CPEB3: variants seen among roughly 807,000 people sequenced by gnomAD.
CPEB3 encodes cytoplasmic polyadenylation element binding protein 3.
CPEB3 carries 20 observed loss-of-function variants against 67.2 expected under a neutral mutation model. The observed-to-expected ratio is 0.30, with a 90% CI of 0.21 to 0.43. CPEB3 has a LOEUF of 0.43. Among genes scored for constraint, CPEB3 ranks in the 20% least tolerant of loss-of-function variants. The pLI, the probability that CPEB3 is intolerant of heterozygous loss-of-function variation, is 1.00. For synonymous variants in CPEB3, 376 were observed against 393.1 expected (o/e 0.96, Z 0.51); for missense variants, 746 against 968.6 (o/e 0.77, Z 3.05).
intron 2 of CPEB3, among the ~76,000 whole-genome samples, chr10:92,206,028 T>G (rs1343601612): frequency 6.6e-6 from 1 of 152,010 alleles, no homozygotes; most frequent in East Asian, 1.9e-4. Context: ...ATTCTAATAA[T>G]GATACTTTAG....
intron 2 of CPEB3, among the ~76,000 whole-genome samples, chr10:92,236,642 G>A (rs559786571): frequency 8.5e-5 from 13 of 152,058 alleles, no homozygotes; most frequent in Non-Finnish European, 1.6e-4. Context: ...CCAGCTACTC[G>A]GGAGGCTGAG....
intron 2 of CPEB3, among the ~76,000 whole-genome samples, chr10:92,205,425 AAT>A (rs1849734681): frequency 6.6e-6 from 1 of 151,702 alleles, no homozygotes; most frequent in Non-Finnish European, 1.5e-5. Context: ...TAGATATTAC[AAT>A]ATCTTTTTTT....
At chr10:92,055,665 G>A (rs996742335) in intron 9 of CPEB3, among the ~76,000 whole-genome samples, 6 of 151,984 alleles carry the variant, frequency 3.9e-5, no homozygotes, top group Admixed American at 6.6e-5. Context: ...CATCATTTTC[G>A]TTTTGCCTAG....
chr10:92,206,640 C>A (rs1452673001), intron 2 of CPEB3, among the ~76,000 whole-genome samples: 1 of 152,042 alleles, frequency 6.6e-6, no homozygotes, highest in African/African-American at 2.4e-5. Flanking sequence ...ATGTTCATAT[C>A]TTATTTTGTA....
rs12252682 is a variant in CPEB3, at chr10:92,050,985, G to C, written c.*1227C>G. On this transcript the variant is annotated 3_prime_UTR_variant, in exon 10 of 10. Coordinates refer to ENST00000265997, the MANE Select transcript of CPEB3 (RefSeq NM_014912.5). ...TCTGACAGAGGCTTTAAACAGTTAA[G>C]TTTGATCACAGTTAGACATAATCAC... The C allele has an allele frequency of 0.056, 8,489 of 152,648 alleles. 672 individuals carry two copies. The highest frequency in any genetic ancestry group is 0.18 in the African/African-American group (7,404 of 41,502). 9.5% of individuals were successfully genotyped at this position (152,648 alleles called of 1,614,324 possible).
chr10:92,086,127 G>A (rs980015818), intron 8 of CPEB3, among the ~76,000 whole-genome samples: 2 of 152,022 alleles, frequency 1.3e-5, no homozygotes, highest in Non-Finnish European at 2.9e-5. Flanking sequence ...TAACACATTC[G>A]TCTCTACAGA....
chr10:92,248,930 T>TA (rs36118120), intron 1 of CPEB3, among the ~76,000 whole-genome samples: 3 of 152,164 alleles, frequency 2.0e-5, no homozygotes, highest in Admixed American at 2.0e-4. Flanking sequence ...TCAAACCACA[T>TA]ACACAATGAT....
chr10:92,111,638 A>C (rs754404142), intron 6 of CPEB3, among the ~76,000 whole-genome samples: 2 of 152,244 alleles, frequency 1.3e-5, no homozygotes, highest in Non-Finnish European at 2.9e-5. Context: ...AAATCTATCA[A>C]GACAAAAAAT....
intron 6 of CPEB3, among the ~76,000 whole-genome samples, chr10:92,116,713 C>T (rs954488043): frequency 2.0e-5 from 3 of 152,176 alleles, no homozygotes; most frequent in African/African-American, 7.2e-5. Context: ...CTATGAGAGG[C>T]CCTCAGCTCC....
rs147397941 is a variant in CPEB3 at position 92,199,202 on chromosome 10, A to G, written c.1006-6566T>C. Among the ~76,000 whole-genome samples, 322 of 150,340 alleles carry G rather than the reference A, an allele frequency of 2.1e-3. 1 individual carries two copies. The highest frequency in any genetic ancestry group is 7.5e-3 in the African/African-American group (304 of 40,718). Reference sequence around the variant, plus strand: ...AGGTCGGGAGTTCGAGACCAGCCTGACCAACATGGAGAAACCTCATCTCTA... The same window carrying G: ...AGGTCGGGAGTTCGAGACCAGCCTGGCCAACATGGAGAAACCTCATCTCTA... On this transcript the variant is annotated intron_variant, in intron 2 of 9. Coordinates refer to ENST00000265997, the MANE Select transcript of CPEB3 (RefSeq NM_014912.5).
chr10:92,195,001 G>A lies in CPEB3; in HGVS notation c.1006-2365C>T, dbSNP rs1017006940. On this transcript the variant is annotated intron_variant, in intron 2 of 9. Transcript: ENST00000265997. ...GGAGCTTGCAGTGAGCCGAGATCGCGCCACTGCACTCCAGCCTGGGCGACA... is the reference window on the plus strand; with the variant it reads ...GGAGCTTGCAGTGAGCCGAGATCGCACCACTGCACTCCAGCCTGGGCGACA... 9.3e-5 allele frequency among the ~76,000 whole-genome samples: 14 copies of A among 151,046 alleles called. 1 individual carries two copies. In the East Asian group the frequency reaches 1.8e-3, roughly 19 times the overall value.
chr10:92,284,143 A>G (rs1427789240), intron 1 of CPEB3, among the ~76,000 whole-genome samples: 1 of 150,854 alleles, frequency 6.6e-6, no homozygotes, highest in Non-Finnish European at 1.5e-5. Flanking sequence ...GGTTCAAGCA[A>G]TTCTCCTGCC....
At chr10:92,278,930 A>AT (rs930787294) in intron 1 of CPEB3, among the ~76,000 whole-genome samples, 1,604 of 146,268 alleles carry the variant, frequency 0.011, 19 homozygotes, top group African/African-American at 0.038. Flanking sequence ...TGTTTTTATT[A>AT]TTTTTTTTTT....
intron 1 of CPEB3, among the ~76,000 whole-genome samples, chr10:92,279,111 G>A (rs1842139331): frequency 6.6e-6 from 1 of 152,110 alleles, no homozygotes; most frequent in African/African-American, 2.4e-5. Context: ...TTCTTGCCTT[G>A]TTCCTGATCA....
chr10:92,274,271 G>A (rs1841876971), intron 1 of CPEB3, among the ~76,000 whole-genome samples: 1 of 152,154 alleles, frequency 6.6e-6, no homozygotes, highest in Admixed American at 6.5e-5. Context: ...TGCTCCCTGA[G>A]TGCAGCTGTC....
intron 2 of CPEB3, among the ~76,000 whole-genome samples, chr10:92,214,979 C>T (rs1428026941): frequency 6.6e-6 from 1 of 151,882 alleles, no homozygotes; most frequent in Non-Finnish European, 1.5e-5. Flanking sequence ...TCCCAAGTAG[C>T]TGGAATTACA....
At chr10:92,157,313 C>A (rs1217938325) in intron 4 of CPEB3, among the ~76,000 whole-genome samples, 1 of 152,172 alleles carries the variant, frequency 6.6e-6, no homozygotes, top group African/African-American at 2.4e-5. Flanking sequence ...GTGATTACAA[C>A]CTACGTGTCT....
intron 2 of CPEB3, among the ~76,000 whole-genome samples, chr10:92,237,714 G>C (rs1482030374): frequency 1.3e-5 from 2 of 152,116 alleles, no homozygotes; most frequent in African/African-American, 2.4e-5. Flanking sequence ...TAGAAAAAGA[G>C]GGCCTTTCCT....
At chr10:92,111,268 CTGT>C (rs1844728216) in intron 6 of CPEB3, 74 bp from the exon 7 acceptor site, 1 of 1,017,642 alleles carries the variant, frequency 9.8e-7, no homozygotes, top group East Asian at 2.4e-5. Context: ...TACAAATTAT[CTGT>C]TGTTTCATTT....
Sources: allele counts gnomAD v4.1 joint callset (sites outside exome capture counted in the v4.1 genomes callset), GRCh38; gene constraint gnomAD v4.1.1; transcripts MANE v1.5; gene names NCBI Gene and HGNC (gene_info 2026-07-23, HGNC 2026-07-21).